The following MMP16 variants were observed in gnomAD, a reference collection of about 807,000 sequenced individuals.
MMP16 encodes the protein matrix metalloproteinase-16.
Under a neutral mutation model 67.8 loss-of-function variants are expected in MMP16, and 12 were observed. The ratio of observed to expected loss-of-function variants is 0.18; its 90% confidence interval spans 0.11 to 0.29. The LOEUF is 0.29. Among genes scored for constraint, MMP16 ranks in the 10% least tolerant of loss-of-function variants. The pLI is 1.00. For synonymous variants in MMP16, 249 were observed against 255.9 expected (o/e 0.97, Z 0.26); for missense variants, 475 against 765.7 (o/e 0.62, Z 4.48).
intron 1 of MMP16, among the ~76,000 whole-genome samples, chr8:88,210,489 C>G (rs904924627): frequency 6.6e-6 from 1 of 152,098 alleles, no homozygotes; most frequent in African/African-American, 2.4e-5. Context: ...CATATTTTGC[C>G]ATTTTCTGCC....
At chr8:88,094,432 T>C (rs57235514) in intron 6 of MMP16, among the ~76,000 whole-genome samples, 31,712 of 151,418 alleles carry the variant, frequency 0.21, 3,472 homozygotes, top group Middle Eastern at 0.25. Flanking sequence ...TTTTTAACAC[T>C]AAATAAGATG....
intron 3 of MMP16, among the ~76,000 whole-genome samples, chr8:88,172,317 C>A (rs1338086797): frequency 6.6e-6 from 1 of 151,988 alleles, no homozygotes; most frequent in Non-Finnish European, 1.5e-5. Context: ...TCTCTGACAA[C>A]ACATTTTATG....
In MMP16 at chr8:88,040,579, G is replaced by A. The variant is rs1207352652; in HGVS notation, c.*882C>T. On this transcript the variant is annotated 3_prime_UTR_variant, in exon 10 of 10. Transcript: ENST00000286614. ...TCCTGACAGACCCATGGAAGGCCTGGGGCAATGGCCTAATACAACTTGGGA... is the reference window on the plus strand; with the variant it reads ...TCCTGACAGACCCATGGAAGGCCTGAGGCAATGGCCTAATACAACTTGGGA... The A allele has an allele frequency of 2.0e-5, 3 of 152,416 alleles. No individual in the cohort carries two copies. The highest frequency in any genetic ancestry group is 4.4e-5 in the Non-Finnish European group (3 of 68,030). The allele number at this position is 152,416 out of a possible 1,614,324, so 9.4% of individuals were successfully genotyped here. A position where few individuals can be genotyped will look rare whatever the true frequency, so the allele number is the denominator to read the frequency against.
rs1050795618 is a variant in MMP16, at chr8:88,179,213, G to A, written c.404+7263C>T. Among the ~76,000 whole-genome samples the A allele has an allele frequency of 3.3e-5, 5 of 151,954 alleles. 1 individual carries two copies. The highest frequency in any genetic ancestry group is 3.3e-4 in the Admixed American group (5 of 15,260). ...AACTCTGGAAAAAAGCCAGAAGGGG[G>A]TAAAATACCTTATCTGTAGATGAAC... On this transcript the variant is annotated intron_variant, in intron 3 of 9. Transcript: ENST00000286614.
rs1568381 is a variant in MMP16, at chr8:88,302,428, T to A, written c.132+24647A>T. Among the ~76,000 whole-genome samples, 480 of 152,306 alleles carry A rather than the reference T, an allele frequency of 3.2e-3. 13 individuals carry two copies. In the East Asian group the frequency reaches 0.044, roughly 14 times the overall value. ...TCTGCCTCATTTAGTCTAATTTGCG[T>A]CCCTTGTTATATTATCTGCGCACAA... is the stretch of plus-strand genomic sequence containing the variant. On this transcript the variant is annotated intron_variant, in intron 1 of 9. Coordinates refer to ENST00000286614, the MANE Select transcript of MMP16 (RefSeq NM_005941.5).
chr8:88,204,252 G>C (rs530068624), intron 1 of MMP16, among the ~76,000 whole-genome samples: 2 of 152,270 alleles, frequency 1.3e-5, no homozygotes, highest in South Asian at 4.1e-4. Flanking sequence ...AGAGAAAATG[G>C]TAATTTACCT....
Position 88,101,094 on chromosome 8 carries a change from G to A in MMP16, c.1083+15413C>T, listed in dbSNP as rs139479352. ...CAAATGTAACAAACCTGCACGTTGTGCACATGTACCCTAGAACTTAAAGTA... is the reference window on the plus strand; with the variant it reads ...CAAATGTAACAAACCTGCACGTTGTACACATGTACCCTAGAACTTAAAGTA... On this transcript the variant is annotated intron_variant, in intron 6 of 9. Transcript: ENST00000286614. Among the ~76,000 whole-genome samples the A allele has an allele frequency of 6.7e-4, 102 of 151,858 alleles. 1 individual carries two copies. The East Asian group carries it at 0.019, about 29-fold the overall frequency.
intron 1 of MMP16, among the ~76,000 whole-genome samples, chr8:88,256,004 G>A (rs1484191356): frequency 6.6e-6 from 1 of 152,034 alleles, no homozygotes; most frequent in African/African-American, 2.4e-5. Flanking sequence ...TGAATCTCAA[G>A]GTTGTCCCAG....
intron 1 of MMP16, among the ~76,000 whole-genome samples, chr8:88,270,570 A>G (rs1410045103): frequency 8.5e-5 from 13 of 152,170 alleles, no homozygotes; most frequent in African/African-American, 2.9e-4. Context: ...GGAAGCAGAG[A>G]ATCAGAGAAT....
Position 88,046,709 on chromosome 8 carries a change from G to A in MMP16, c.1449C>T (p.Ile483=). 6.2e-7 allele frequency: 1 copy of A among 1,610,566 alleles called. No homozygotes were observed. Among genetic ancestry groups the A allele is most frequent in the South Asian group, 1.1e-5 (1 of 90,520 alleles). ...CAAATGCTCCCTGAGGAGATTCAGG[G>A]ATCCCTTTCCAGACTGTGATTGGCT... ...YPKPITVWKG[I]PESPQGAFVH... Residue 483 remains isoleucine (I), a synonymous_variant, in exon 9 of 10, where the codon ATC becomes ATT. Coordinates refer to ENST00000286614, the MANE Select transcript of MMP16 (RefSeq NM_005941.5).
intron 8 of MMP16, among the ~76,000 whole-genome samples, chr8:88,047,529 T>C (rs1269592902): frequency 2.0e-5 from 3 of 152,020 alleles, no homozygotes; most frequent in African/African-American, 7.2e-5. Context: ...CAGAGAAAAG[T>C]GAGGAGCAAT....
At chr8:88,089,796 A>T (rs1207610226) in intron 6 of MMP16, among the ~76,000 whole-genome samples, 1 of 151,958 alleles carries the variant, frequency 6.6e-6, no homozygotes, top group Non-Finnish European at 1.5e-5. Context: ...AATGTTAAAT[A>T]ATAAAACACA....
At chr8:88,155,427 C>G (rs991781831) in intron 4 of MMP16, among the ~76,000 whole-genome samples, 2 of 151,910 alleles carry the variant, frequency 1.3e-5, no homozygotes, top group African/African-American at 4.8e-5. Flanking sequence ...TCTTTACTTA[C>G]AGGATATATG....
intron 1 of MMP16, among the ~76,000 whole-genome samples, chr8:88,212,909 T>C (rs913660038): frequency 3.9e-5 from 6 of 152,286 alleles, no homozygotes; most frequent in East Asian, 3.9e-4. Flanking sequence ...TTATTAAAAA[T>C]AGTTACCTCC....
intron 4 of MMP16, among the ~76,000 whole-genome samples, chr8:88,120,401 A>G (rs1199065843): frequency 6.6e-6 from 1 of 151,978 alleles, no homozygotes; most frequent in Non-Finnish European, 1.5e-5. Context: ...TGTAATTTCA[A>G]ATCAGAGACA....
intron 1 of MMP16, among the ~76,000 whole-genome samples, chr8:88,299,140 T>A (rs1413476263): frequency 6.6e-6 from 1 of 152,156 alleles, no homozygotes; most frequent in Non-Finnish European, 1.5e-5. Flanking sequence ...CTCAGTCCTT[T>A]TTACCTACAC....
chr8:88,087,498 A>C (rs1031543465), intron 6 of MMP16, among the ~76,000 whole-genome samples: 1 of 151,874 alleles, frequency 6.6e-6, no homozygotes, highest in Non-Finnish European at 1.5e-5. Context: ...ACATAGGAAG[A>C]GGGAAAGGGT....
intron 1 of MMP16, among the ~76,000 whole-genome samples, chr8:88,294,506 GTC>G (rs1563587016): frequency 6.8e-6 from 1 of 146,264 alleles, no homozygotes; most frequent in Non-Finnish European, 1.5e-5. Flanking sequence ...ATATGTATAT[GTC>G]TCTACACACA....
intron 1 of MMP16, among the ~76,000 whole-genome samples, chr8:88,302,743 C>A (rs1811124873): frequency 6.6e-6 from 1 of 152,172 alleles, no homozygotes; most frequent in East Asian, 1.9e-4. Context: ...CGATTAAAAG[C>A]AGCGGCAGTC....
Sources: allele counts gnomAD v4.1 joint callset (sites outside exome capture counted in the v4.1 genomes callset), GRCh38; gene constraint gnomAD v4.1.1; transcripts MANE v1.5; gene names NCBI Gene and HGNC (gene_info 2026-07-23, HGNC 2026-07-21).